The following LARGE1 variants were observed in gnomAD, a reference collection of about 807,000 sequenced individuals.
The protein encoded by LARGE1 is xylosyl- and glucuronyltransferase LARGE1.
Under a neutral mutation model 87.6 loss-of-function variants are expected in LARGE1, and 43 were observed. That is an observed-to-expected ratio of 0.49 (90% CI 0.38 to 0.63). The LOEUF (loss-of-function observed/expected upper bound fraction) is 0.63. LARGE1 is among the 30% of genes least tolerant of loss of function. LARGE1 has a pLI of 0.00. For missense variants in LARGE1, 802 were observed against 1,000.2 expected (o/e 0.80, Z 2.67); for synonymous variants, 434 against 394.6 (o/e 1.10, Z -1.18).
chr22:33,604,405 T>A (rs749706628), intron 5 of LARGE1, 30 bp downstream of exon 5: 1 of 1,613,614 alleles, frequency 6.2e-7, no homozygotes. Flanking sequence ...CTAGAGGAGA[T>A]CACGGAAGTG....
intron 9 of LARGE1, among the ~76,000 whole-genome samples, chr22:33,345,216 A>G (rs941680813): frequency 6.6e-5 from 10 of 152,154 alleles, no homozygotes; most frequent in South Asian, 2.1e-4. Context: ...TGCTCTTACT[A>G]TGTTACCTGT....
chr22:33,721,587 C>T (rs923070112), intron 2 of LARGE1, among the ~76,000 whole-genome samples: 9 of 152,296 alleles, frequency 5.9e-5, no homozygotes, highest in African/African-American at 1.9e-4. Context: ...TCTTTAAAGA[C>T]GATCTTCTAA....
intron 2 of LARGE1, among the ~76,000 whole-genome samples, chr22:33,682,128 G>A (rs2081792741): frequency 6.6e-6 from 1 of 152,198 alleles, no homozygotes; most frequent in Non-Finnish European, 1.5e-5. Context: ...CACCTGACAC[G>A]TTAACGTGCT....
intron 11 of LARGE1, among the ~76,000 whole-genome samples, chr22:33,193,100 A>ATG (rs983027829): frequency 4.6e-5 from 7 of 151,704 alleles, no homozygotes; most frequent in African/African-American, 1.7e-4. Flanking sequence ...GTGTATGTGT[A>ATG]TGTGTGTGTG....
intron 5 of LARGE1, among the ~76,000 whole-genome samples, chr22:33,586,624 A>C (rs2078683814): frequency 6.6e-6 from 1 of 151,854 alleles, no homozygotes; most frequent in Admixed American, 6.6e-5. Flanking sequence ...CGCCTGGCTA[A>C]TTTTTTGTAT....
At chr22:33,264,000 T>C (rs749989104) in intron 11 of LARGE1, among the ~76,000 whole-genome samples, 12 of 152,336 alleles carry the variant, frequency 7.9e-5, no homozygotes, top group Admixed American at 3.9e-4. Context: ...CTAGTAAAAG[T>C]ATCTATCTGA....
chr22:33,560,731 C>G (rs1039618927), intron 6 of LARGE1, among the ~76,000 whole-genome samples: 2 of 152,058 alleles, frequency 1.3e-5, no homozygotes, highest in South Asian at 4.1e-4. Context: ...ACTCCAAAGC[C>G]GTATGGATTG....
At chr22:33,181,630 G>A (rs1014498983) in intron 11 of LARGE1, among the ~76,000 whole-genome samples, 15 of 151,494 alleles carry the variant, frequency 9.9e-5, no homozygotes, top group Non-Finnish European at 1.5e-4. Flanking sequence ...CTGGGTTCAT[G>A]CCATTCTCCT....
intron 9 of LARGE1, among the ~76,000 whole-genome samples, chr22:33,369,200 A>G (rs2064710513): frequency 6.6e-6 from 1 of 152,246 alleles, no homozygotes; most frequent in Admixed American, 6.5e-5. Flanking sequence ...TAAATCAGAT[A>G]TAATAACAAT....
chr22:33,557,016 C>G (rs1358229204), intron 6 of LARGE1, among the ~76,000 whole-genome samples: 1 of 151,980 alleles, frequency 6.6e-6, no homozygotes, highest in East Asian at 1.9e-4. Context: ...AACAAACAAA[C>G]AACCCTGAGA....
At chr22:33,235,712 A>T (rs1311661777) in intron 11 of LARGE1, among the ~76,000 whole-genome samples, 1 of 152,170 alleles carries the variant, frequency 6.6e-6, no homozygotes, top group Non-Finnish European at 1.5e-5. Flanking sequence ...GAGATGTCCA[A>T]GACTAAACAT....
At chr22:33,764,305 C>T (rs1401727079) in intron 1 of LARGE1, among the ~76,000 whole-genome samples, 1 of 152,142 alleles carries the variant, frequency 6.6e-6, no homozygotes, top group Non-Finnish European at 1.5e-5. Flanking sequence ...TACCGTTCTC[C>T]CTAGGGATCT....
intron 1 of LARGE1, among the ~76,000 whole-genome samples, chr22:33,795,385 T>C (rs189268876): frequency 2.0e-5 from 3 of 152,268 alleles, no homozygotes; most frequent in Non-Finnish European, 4.4e-5. Flanking sequence ...ACCATGACTA[T>C]ATATACACAT....
intron 2 of LARGE1, chr22:33,737,911 C>T (rs766718331): frequency 1.3e-5 from 2 of 152,300 alleles, no homozygotes; most frequent in East Asian, 3.9e-4. Context: ...GGGAAAAACT[C>T]TGCACAAGCT....
chr22:33,312,881 A>G (rs1935759792), intron 11 of LARGE1, among the ~76,000 whole-genome samples: 1 of 152,170 alleles, frequency 6.6e-6, no homozygotes, highest in South Asian at 2.1e-4. Flanking sequence ...CACATATGTG[A>G]AAAGAGGGAC....
chr22:33,797,092 A>G (rs985254057), intron 1 of LARGE1, among the ~76,000 whole-genome samples: 5 of 152,088 alleles, frequency 3.3e-5, no homozygotes, highest in Non-Finnish European at 7.4e-5. Flanking sequence ...AAGCATCTCC[A>G]AAGTTGTTAA....
intron 10 of LARGE1, among the ~76,000 whole-genome samples, chr22:33,317,057 T>A (rs1465516935): frequency 6.6e-6 from 1 of 151,674 alleles, no homozygotes; most frequent in Non-Finnish European, 1.5e-5. Flanking sequence ...CCACAAAAAA[T>A]ACAAAAATTA....
chr22:33,788,987 C>T (rs562706660), intron 1 of LARGE1, among the ~76,000 whole-genome samples: 1 of 152,280 alleles, frequency 6.6e-6, no homozygotes, highest in East Asian at 1.9e-4. Flanking sequence ...AAGCCTGCTG[C>T]AGAAATTTGC....
the LARGE1 span, among the ~76,000 whole-genome samples, chr22:33,085,329 A>T: frequency 6.6e-6 from 1 of 152,244 alleles, no homozygotes; most frequent in Non-Finnish European, 1.5e-5. Context: ...TGTTTGAAAC[A>T]AACTTAAAAG....
Sources: allele counts gnomAD v4.1 joint callset (sites outside exome capture counted in the v4.1 genomes callset), GRCh38; gene constraint gnomAD v4.1.1; transcripts MANE v1.5; gene names NCBI Gene and HGNC (gene_info 2026-07-23, HGNC 2026-07-21).